TGIF2: variants seen among roughly 807,000 people sequenced by gnomAD.
The protein encoded by TGIF2 is TGFB induced factor homeobox 2, also known as homeobox protein TGIF2.
A neutral mutation model predicts 15.1 loss-of-function variants in TGIF2; 5 were observed. The observed-to-expected ratio is 0.33, with a 90% CI of 0.17 to 0.70. TGIF2 has a LOEUF of 0.70. Among genes scored for constraint, TGIF2 ranks in the 30% least tolerant of loss-of-function variants. TGIF2 has a pLI of 0.67. For synonymous variants in TGIF2, 131 were observed against 128.9 expected (o/e 1.02, Z -0.11); for missense variants, 264 against 302.5 (o/e 0.87, Z 0.94).
At chr20:36,582,425 A>G (rs936649577) in intron 2 of TGIF2, among the ~76,000 whole-genome samples, 19 of 152,162 alleles carry the variant, frequency 1.2e-4, no homozygotes, top group African/African-American at 4.3e-4. Context: ...AAGTAGATAA[A>G]TGTAAAAACC....
At chr20:36,582,006 C>T (rs189634925) in intron 2 of TGIF2, among the ~76,000 whole-genome samples, 5 of 152,230 alleles carry the variant, frequency 3.3e-5, no homozygotes, top group East Asian at 1.9e-4. Flanking sequence ...GAGGCCGATG[C>T]GGGCGGATCA....
chr20:36,574,317 C>T (rs998351385), intron 1 of TGIF2, among the ~76,000 whole-genome samples: 1 of 151,834 alleles, frequency 6.6e-6, no homozygotes, highest in Non-Finnish European at 1.5e-5. Flanking sequence ...GGGCCGGCGC[C>T]CCGGAGAAAG....
intron 2 of TGIF2, among the ~76,000 whole-genome samples, chr20:36,581,829 A>T (rs1014022089): frequency 6.6e-6 from 1 of 152,114 alleles, no homozygotes; most frequent in East Asian, 1.9e-4. Flanking sequence ...GGGCTTCACT[A>T]TGCTAGCCAG....
At chr20:36,590,238 T>G (rs1490520518) in intron 2 of TGIF2, among the ~76,000 whole-genome samples, 1 of 152,204 alleles carries the variant, frequency 6.6e-6, no homozygotes, top group Non-Finnish European at 1.5e-5. Flanking sequence ...ATTACAGGTG[T>G]GAGCCACCGT....
At chr20:36,585,141 G>A (rs1043874159) in intron 2 of TGIF2, among the ~76,000 whole-genome samples, 4 of 152,006 alleles carry the variant, frequency 2.6e-5, no homozygotes, top group East Asian at 1.9e-4. Flanking sequence ...GGAGATTGCC[G>A]TGAGCGAGAT....
chr20:36,575,264 G>C (rs919008019), intron 1 of TGIF2, among the ~76,000 whole-genome samples: 2 of 152,136 alleles, frequency 1.3e-5, no homozygotes, highest in Non-Finnish European at 2.9e-5. Context: ...GCGTGAGTGT[G>C]TCTGGGTGCG....
intron 1 of TGIF2, among the ~76,000 whole-genome samples, chr20:36,578,490 G>GT (rs2038477180): frequency 6.6e-6 from 1 of 152,106 alleles, no homozygotes; most frequent in African/African-American, 2.4e-5. Context: ...AGTAGAAGCT[G>GT]TAATTGTTTC....
intron 2 of TGIF2, among the ~76,000 whole-genome samples, chr20:36,584,840 G>A (rs908822871): frequency 6.6e-6 from 1 of 152,002 alleles, no homozygotes; most frequent in Non-Finnish European, 1.5e-5. Context: ...CACTGCTCCC[G>A]GCCTCCTGTA....
Position 36,592,183 on chromosome 20 carries a change from C to A in TGIF2, c.*752C>A, listed in dbSNP as rs1229401005. 12 of 146,658 alleles carry A rather than the reference C, an allele frequency of 8.2e-5. No homozygotes were observed. The highest frequency in any genetic ancestry group is 2.2e-4 in the South Asian group (1 of 4,622). The allele number at this position is 146,658 out of a possible 1,614,324, so 9.1% of individuals were successfully genotyped here. ...AAAAGGCAGGGAAAAAAAAAAAAAA[C>A]AACCGTATGAGCGCATTGGCTTGTC... On this transcript the variant is annotated 3_prime_UTR_variant, in exon 3 of 3. Coordinates refer to ENST00000373872, the MANE Select transcript of TGIF2 (RefSeq NM_021809.7).
intron 1 of TGIF2, among the ~76,000 whole-genome samples, chr20:36,575,582 C>T (rs2038411823): frequency 1.3e-5 from 2 of 152,162 alleles, no homozygotes; most frequent in South Asian, 2.1e-4. Context: ...TAACCAGTGC[C>T]TGTCTCACCT....
intron 2 of TGIF2, among the ~76,000 whole-genome samples, chr20:36,588,195 AG>A (rs2038697931): frequency 6.6e-6 from 1 of 151,842 alleles, no homozygotes; most frequent in Non-Finnish European, 1.5e-5. Flanking sequence ...CATTGAGCTC[AG>A]TTCTCTCTAG....
In TGIF2 at chr20:36,593,165, C is replaced by T. The variant is rs2147944139; in HGVS notation, c.*1734C>T. 6.6e-6 allele frequency: 1 copy of T among 152,670 alleles called. No homozygotes were observed. Among genetic ancestry groups the T allele is most frequent in the Middle Eastern group, 3.4e-3 (1 of 294 alleles). 9.5% of individuals were successfully genotyped at this position (152,670 alleles called of 1,614,324 possible). On this transcript the variant is annotated 3_prime_UTR_variant, in exon 3 of 3. Coordinates refer to ENST00000373872, the MANE Select transcript of TGIF2 (RefSeq NM_021809.7). ...TATTGCTAGCCAAAATATTTTTGTC[C>T]TGAGTAGTGTCACTGGGCCAAAAGA...
chr20:36,585,772 T>C (rs550478367), intron 2 of TGIF2, among the ~76,000 whole-genome samples: 4 of 152,232 alleles, frequency 2.6e-5, no homozygotes, highest in South Asian at 4.1e-4. Flanking sequence ...AATTTATTGG[T>C]TGGACTAGAT....
chr20:36,591,335 A>C lies in TGIF2; in HGVS notation c.618A>C (p.Leu206=). ...SSFQLLVEVA[L]QRAAEMELQK... ...TCCAGCTGCTGGTGGAGGTGGCGCT[A>C]CAGAGGGCTGCTGAGATGGAGCTTC... Residue 206 remains leucine (L), a synonymous_variant, in exon 3 of 3, where the codon CTA becomes CTC. Coordinates refer to ENST00000373872, the MANE Select transcript of TGIF2 (RefSeq NM_021809.7). The surrounding 1 kb of genome is among the most constrained non-coding windows in gnomAD (Gnocchi z 5.3). 6.2e-7 allele frequency: 1 copy of C among 1,614,194 alleles called. No homozygotes were observed. The highest frequency in any genetic ancestry group is 8.5e-7 in the Non-Finnish European group (1 of 1,180,036).
At position 36,578,765 on chromosome 20, in the gene TGIF2, C is replaced by A; in HGVS notation, c.-10C>A. 6.2e-7 allele frequency: 1 copy of A among 1,607,510 alleles called. No homozygotes were observed. The highest frequency in any genetic ancestry group is 8.5e-7 in the Non-Finnish European group (1 of 1,176,482). ...GGTTTACCCAAGGTCCAGCCTAGCC[C>A]CTAGGCACCATGTCGGACAGTGATC... On this transcript the variant is annotated 5_prime_UTR_variant, in exon 2 of 3. Coordinates refer to ENST00000373872, the MANE Select transcript of TGIF2 (RefSeq NM_021809.7).
chr20:36,580,475 C>T (rs1215422487), intron 2 of TGIF2, among the ~76,000 whole-genome samples: 1 of 152,122 alleles, frequency 6.6e-6, no homozygotes, highest in African/African-American at 2.4e-5. Context: ...GTGATTGTAG[C>T]ACTTTCATGA....
intron 2 of TGIF2, among the ~76,000 whole-genome samples, chr20:36,586,979 C>A (rs749913387): frequency 1.7e-4 from 26 of 152,196 alleles, no homozygotes; most frequent in Non-Finnish European, 3.4e-4. Context: ...TCAGATAGAG[C>A]CCTGTTTTAT....
chr20:36,589,103 T>G (rs1183154734), intron 2 of TGIF2, among the ~76,000 whole-genome samples: 1 of 152,230 alleles, frequency 6.6e-6, no homozygotes, highest in Non-Finnish European at 1.5e-5. Context: ...TTCTAATCCT[T>G]ATGTCTCAGC....
intron 1 of TGIF2, among the ~76,000 whole-genome samples, chr20:36,577,262 T>C (rs1301420078): frequency 2.0e-5 from 3 of 151,820 alleles, no homozygotes; most frequent in Non-Finnish European, 4.4e-5. Context: ...TGCAATGCCA[T>C]GATCTCAGCT....
Sources: allele counts gnomAD v4.1 joint callset (sites outside exome capture counted in the v4.1 genomes callset), GRCh38; gene constraint gnomAD v4.1.1; non-coding constraint Gnocchi (gnomAD v3.1); transcripts MANE v1.5; gene names NCBI Gene and HGNC (gene_info 2026-07-23, HGNC 2026-07-21).